FOXP2: variants seen among roughly 807,000 people sequenced by gnomAD.
FOXP2 encodes the protein forkhead box protein P2.
A neutral mutation model predicts 115.8 loss-of-function variants in FOXP2; 12 were observed. The observed-to-expected ratio is 0.10, with a 90% CI of 0.07 to 0.17. The LOEUF is 0.17. Ranked by LOEUF, FOXP2 falls within the 10% of genes least tolerant of loss-of-function variation. The pLI is 1.00. For missense variants in FOXP2, 629 were observed against 843.5 expected (o/e 0.75, Z 3.15); for synonymous variants, 328 against 297.7 (o/e 1.10, Z -1.05).
chr7:114,286,939 A>C (rs1796480416), intron 1 of FOXP2, among the ~76,000 whole-genome samples: 1 of 152,042 alleles, frequency 6.6e-6, no homozygotes, highest in Non-Finnish European at 1.5e-5. Context: ...TTTAGAAATG[A>C]TTTCAATACA....
At chr7:114,248,525 T>C (rs1455265296) in intron 1 of FOXP2, among the ~76,000 whole-genome samples, 1 of 152,220 alleles carries the variant, frequency 6.6e-6, no homozygotes, top group Non-Finnish European at 1.5e-5. Context: ...CTGGAAAATT[T>C]GACTTGTGCC....
At chr7:114,300,366 T>C (rs955235064) in intron 2 of FOXP2, among the ~76,000 whole-genome samples, 1 of 152,088 alleles carries the variant, frequency 6.6e-6, no homozygotes, top group Non-Finnish European at 1.5e-5. Context: ...CCTTAAAATA[T>C]GTATTTATTT....
At chr7:114,550,344 T>C (rs1483760373) in intron 3 of FOXP2, among the ~76,000 whole-genome samples, 4 of 152,026 alleles carry the variant, frequency 2.6e-5, no homozygotes, top group East Asian at 3.9e-4. Context: ...TCTCGATCCC[T>C]TGACCTCGTG....
intron 3 of FOXP2, among the ~76,000 whole-genome samples, chr7:114,563,877 A>ATT (rs1423671828): frequency 3.3e-5 from 5 of 149,664 alleles, no homozygotes; most frequent in Non-Finnish European, 6.0e-5. Context: ...CTTATCCTTT[A>ATT]CTCTCTCACT....
chr7:114,603,976 A>G (rs926346473), intron 3 of FOXP2, among the ~76,000 whole-genome samples: 2 of 152,218 alleles, frequency 1.3e-5, no homozygotes, highest in Non-Finnish European at 2.9e-5. Flanking sequence ...AGATTCAAGG[A>G]TACTTTCAAT....
chr7:114,211,112 G>T (rs1019443450), intron 1 of FOXP2, among the ~76,000 whole-genome samples: 3 of 152,210 alleles, frequency 2.0e-5, no homozygotes, highest in Non-Finnish European at 2.9e-5. Context: ...GGAATTTCAG[G>T]CCAGTGGGTC....
At chr7:114,160,571 AGTT>A (rs1376976004), upstream of FOXP2, among the ~76,000 whole-genome samples, 1 of 152,296 alleles carries the variant, frequency 6.6e-6, no homozygotes, top group African/African-American at 2.4e-5. Context: ...ACATAGTTCT[AGTT>A]GTTAATGACT....
At chr7:114,623,345 A>G (rs988173154) in intron 3 of FOXP2, among the ~76,000 whole-genome samples, 6 of 151,944 alleles carry the variant, frequency 3.9e-5, no homozygotes, top group African/African-American at 1.4e-4. Context: ...TAGGCGATCA[A>G]GACTGCTAAT....
intron 3 of FOXP2, among the ~76,000 whole-genome samples, chr7:114,553,836 G>C (rs1055615782): frequency 7.2e-5 from 11 of 152,008 alleles, no homozygotes; most frequent in Admixed American, 3.3e-4. Flanking sequence ...ATATCAAAAA[G>C]ATACCACAAT....
intron 1 of FOXP2, among the ~76,000 whole-genome samples, chr7:114,116,800 C>T (rs1791419566): frequency 6.6e-6 from 1 of 151,990 alleles, no homozygotes; most frequent in South Asian, 2.1e-4. Context: ...AGGGTCTCTT[C>T]ATAAGAGAAC....
chr7:114,334,597 A>T lies in FOXP2; in HGVS notation c.-11+46488A>T, dbSNP rs74858038. On this transcript the variant is annotated intron_variant, in intron 2 of 17. Coordinates refer to the FOXP2 transcript ENST00000634411. ...GGTACATAGTTCTCAAGTTAGTGGA[A>T]AAAAATCCATGTCCCTTTACTGGAG... Among the ~76,000 whole-genome samples, 1,344 of 151,194 alleles carry T rather than the reference A, an allele frequency of 8.9e-3. 29 individuals carry two copies. Among genetic ancestry groups the T allele is most frequent in the African/African-American group, 0.031 (1,273 of 41,302 alleles).
intron 1 of FOXP2, among the ~76,000 whole-genome samples, chr7:114,099,517 C>G (rs186067539): frequency 6.6e-6 from 1 of 152,286 alleles, no homozygotes; most frequent in Non-Finnish European, 1.5e-5. Context: ...AATCCCTCTT[C>G]TAGGCATATA....
intron 1 of FOXP2, among the ~76,000 whole-genome samples, chr7:114,265,407 C>G (rs565621913): frequency 1.3e-5 from 2 of 152,340 alleles, no homozygotes; most frequent in South Asian, 4.1e-4. Context: ...CCAGGGCACA[C>G]TGATACAAGT....
At chr7:114,130,512 T>C (rs915985828) in intron 1 of FOXP2, among the ~76,000 whole-genome samples, 3 of 152,228 alleles carry the variant, frequency 2.0e-5, no homozygotes, top group Non-Finnish European at 4.4e-5. Flanking sequence ...AGGCAAACTA[T>C]TGCTAGTATT....
At chr7:114,273,001 C>G (rs1377881063) in intron 1 of FOXP2, among the ~76,000 whole-genome samples, 1 of 151,538 alleles carries the variant, frequency 6.6e-6, no homozygotes, top group African/African-American at 2.4e-5. Flanking sequence ...ATTTGACATT[C>G]TTTTTCTAGT....
chr7:114,171,393 C>T (rs1332564094), intron 1 of FOXP2, among the ~76,000 whole-genome samples: 3 of 152,040 alleles, frequency 2.0e-5, no homozygotes, highest in Non-Finnish European at 4.4e-5. Flanking sequence ...GGCAACATAA[C>T]GAGACCTCAT....
chr7:114,341,084 C>T (rs1054367400), intron 2 of FOXP2, among the ~76,000 whole-genome samples: 4 of 151,120 alleles, frequency 2.6e-5, no homozygotes, highest in Non-Finnish European at 5.9e-5. Flanking sequence ...TAAATTATTA[C>T]TTAGCACTGA....
At chr7:114,212,774 CTT>C (rs750653481) in intron 1 of FOXP2, among the ~76,000 whole-genome samples, 28 of 152,066 alleles carry the variant, frequency 1.8e-4, no homozygotes, top group Non-Finnish European at 3.5e-4. Flanking sequence ...TGGGGAAAGT[CTT>C]TTTCTGAGAA....
chr7:114,690,026 A>G lies in FOXP2; in HGVS notation c.*100A>G. On this transcript the variant is annotated 3_prime_UTR_variant, in exon 17 of 17. Coordinates refer to ENST00000350908, the MANE Select transcript of FOXP2 (RefSeq NM_014491.4). ...TGACAAATTTTTACTGTGACTATTT[A>G]TTAAGCATGGATAAAGGAGACAGCC... 7.0e-7 allele frequency: 1 copy of G among 1,437,646 alleles called. No homozygotes were observed. Among genetic ancestry groups the G allele is most frequent in the Non-Finnish European group, 9.7e-7 (1 of 1,032,136 alleles). 89.1% of individuals were successfully genotyped at this position (1,437,646 alleles called of 1,614,324 possible).
Sources: allele counts gnomAD v4.1 joint callset (sites outside exome capture counted in the v4.1 genomes callset), GRCh38; gene constraint gnomAD v4.1.1; transcripts MANE v1.5; gene names NCBI Gene and HGNC (gene_info 2026-07-23, HGNC 2026-07-21).